PTK2: variants seen among roughly 807,000 people sequenced by gnomAD.
The protein encoded by PTK2 is protein tyrosine kinase 2.
Under a neutral mutation model 150.1 loss-of-function variants are expected in PTK2, and 45 were observed. The observed-to-expected ratio is 0.30, with a 90% CI of 0.24 to 0.38. PTK2 has a LOEUF of 0.38. PTK2 is among the 10% of genes least tolerant of loss of function. The pLI is 1.00. For synonymous variants in PTK2, 432 were observed against 449.2 expected (o/e 0.96, Z 0.48); for missense variants, 919 against 1,307.3 (o/e 0.70, Z 4.58).
At chr8:140,925,710 G>C (rs1046503034) in exon 2 of PTK2, 1 of 977,168 alleles carries the variant, frequency 1.0e-6, no homozygotes, top group African/African-American at 1.8e-5. Context: ...AGAAGGCACT[G>C]AATTTGTAAC....
chr8:140,942,442 G>A lies in PTK2; in HGVS notation c.-121-16693C>T, dbSNP rs531687693. Among the ~76,000 whole-genome samples the A allele has an allele frequency of 1.1e-4, 17 of 152,102 alleles. No individual in the cohort carries two copies. In the South Asian group the frequency reaches 3.5e-3, roughly 32 times the overall value. The stretch of plus-strand genomic sequence containing the variant: ...ATAATATACAATCTCATTATACAAA[G>A]ACAAATATAAAGCCTTTAGGCCACA... On this transcript the variant is annotated intron_variant, in intron 1 of 31. Transcript: ENST00000522684.
chr8:140,874,769 T>C (rs1046864661), intron 4 of PTK2, among the ~76,000 whole-genome samples: 1 of 152,212 alleles, frequency 6.6e-6, no homozygotes, highest in African/African-American at 2.4e-5. Context: ...AATATGGTAA[T>C]ACTGTTATTA....
intron 1 of PTK2, among the ~76,000 whole-genome samples, chr8:140,991,068 A>G (rs754492853): frequency 8.5e-5 from 13 of 152,248 alleles, no homozygotes; most frequent in Non-Finnish European, 1.5e-4. Context: ...TGCATAAGAT[A>G]TAACAGATTT....
intron 7 of PTK2, among the ~76,000 whole-genome samples, chr8:140,832,033 C>G (rs2100115715): frequency 6.6e-6 from 1 of 152,148 alleles, no homozygotes; most frequent in African/African-American, 2.4e-5. Flanking sequence ...TATTCCTTAA[C>G]AGCAAGCATT....
At chr8:140,994,664 A>G (rs899490522) in intron 1 of PTK2, among the ~76,000 whole-genome samples, 5 of 152,130 alleles carry the variant, frequency 3.3e-5, no homozygotes, top group African/African-American at 7.2e-5. Flanking sequence ...TTACTACTGT[A>G]GTTGTTTTGG....
At chr8:140,978,527 C>T (rs1269708203) in intron 1 of PTK2, among the ~76,000 whole-genome samples, 1 of 151,994 alleles carries the variant, frequency 6.6e-6, no homozygotes, top group Non-Finnish European at 1.5e-5. Flanking sequence ...TCATCACTGG[C>T]CATCAGAGAA....
rs34459077 is a variant in PTK2 at position 140,697,416 on chromosome 8, T to TTGTGTGTGTGTG, written c.2499+3463_2499+3474dup. ...CTACAGGAAGTTCTTAGAATACGGT[T>TTGTGTGTGTGTG]TGTGTGTGTGTGTGTGTGTGTGTGT... On this transcript the variant is annotated intron_variant, in intron 26 of 31. Coordinates refer to ENST00000522684, the Ensembl canonical transcript of PTK2. 2.6e-3 allele frequency among the ~76,000 whole-genome samples: 380 copies of TTGTGTGTGTGTG among 145,810 alleles called. 1 individual carries two copies. Among genetic ancestry groups the TTGTGTGTGTGTG allele is most frequent in the Middle Eastern group, 0.014 (4 of 292 alleles).
intron 30 of PTK2, among the ~76,000 whole-genome samples, chr8:140,665,474 A>G (rs929556630): frequency 1.3e-5 from 2 of 152,176 alleles, no homozygotes; most frequent in Non-Finnish European, 2.9e-5. Context: ...GCAAGGGGGC[A>G]GCCTTGCTTT....
intron 7 of PTK2, among the ~76,000 whole-genome samples, chr8:140,836,495 C>CT (rs2100118719): frequency 6.6e-6 from 1 of 152,192 alleles, no homozygotes; most frequent in Admixed American, 6.5e-5. Context: ...CACTGATTGT[C>CT]TATCACTTCT....
intron 10 of PTK2, among the ~76,000 whole-genome samples, chr8:140,812,426 G>A (rs897168497): frequency 6.6e-5 from 10 of 152,196 alleles, no homozygotes; most frequent in Admixed American, 3.3e-4. Context: ...AGGAAAGACC[G>A]TTACCAACCA....
At chr8:140,740,398 C>T (rs1228626742) in intron 20 of PTK2, among the ~76,000 whole-genome samples, 1 of 152,176 alleles carries the variant, frequency 6.6e-6, no homozygotes, top group Non-Finnish European at 1.5e-5. Context: ...CACCCTGATT[C>T]AGAAGAGCAT....
intron 2 of PTK2, among the ~76,000 whole-genome samples, chr8:140,915,930 A>T (rs918432511): frequency 2.0e-5 from 3 of 151,784 alleles, no homozygotes; most frequent in Admixed American, 1.3e-4. Context: ...CAAACAAACA[A>T]ACAAGAAACC....
At position 140,714,039 on chromosome 8, in the gene PTK2, C is replaced by T. The variant is rs1220169084; in HGVS notation, c.2142+3559G>A. Among the ~76,000 whole-genome samples, 3 of 152,130 alleles carry T rather than the reference C, an allele frequency of 2.0e-5. No individual in the cohort carries two copies. In the East Asian group the frequency reaches 5.8e-4, roughly 29 times the overall value. On this transcript the variant is annotated intron_variant, in intron 23 of 31. Transcript: ENST00000522684. ...GAGTAGCTAGGACCACAGGCACACG[C>T]CACTAAATTTGGCTAATTTTTAAAT...
intron 10 of PTK2, among the ~76,000 whole-genome samples, chr8:140,814,282 G>C (rs999383350): frequency 2.6e-5 from 4 of 152,138 alleles, no homozygotes; most frequent in African/African-American, 9.7e-5. Context: ...GAAAAGGAGG[G>C]ACTCCTCTCT....
chr8:140,843,752 A>G (rs2100123671), intron 7 of PTK2, among the ~76,000 whole-genome samples: 3 of 151,884 alleles, frequency 2.0e-5, no homozygotes, highest in African/African-American at 7.2e-5. Flanking sequence ...AGAGTTACAA[A>G]GAGAGTATCC....
intron 26 of PTK2, among the ~76,000 whole-genome samples, chr8:140,694,150 C>T (rs1242375361): frequency 6.6e-6 from 1 of 151,426 alleles, no homozygotes; most frequent in Admixed American, 6.6e-5. Context: ...ACGCCATTCT[C>T]CTGCCTTAGC....
rs565226599 is a variant in PTK2, at chr8:140,749,147, A to G, written c.1418-2287T>C. 9.0e-4 allele frequency among the ~76,000 whole-genome samples: 137 copies of G among 152,294 alleles called. 1 individual carries two copies. The highest frequency in any genetic ancestry group is 2.8e-3 in the African/African-American group (116 of 41,562). On this transcript the variant is annotated intron_variant, in intron 17 of 31. Transcript: ENST00000522684. The stretch of plus-strand genomic sequence containing the variant: ...TCATATTCCAAGAACAGGACCTGGT[A>G]GTTTTTTTCAACAAACATCACCAAC...
intron 29 of PTK2, among the ~76,000 whole-genome samples, chr8:140,673,491 T>C (rs370145680): frequency 1.3e-5 from 2 of 152,162 alleles, no homozygotes; most frequent in African/African-American, 2.4e-5. Context: ...TTTAGAGATA[T>C]TAAAATGTGA....
intron 1 of PTK2, among the ~76,000 whole-genome samples, chr8:140,974,269 C>A (rs1364396112): frequency 3.3e-5 from 5 of 152,170 alleles, no homozygotes; most frequent in African/African-American, 9.7e-5. Context: ...TTACAACTCA[C>A]TATTTACACA....
Sources: gnomAD v4.1 joint callset for allele counts (sites outside exome capture counted in the v4.1 genomes callset) on GRCh38, gnomAD v4.1.1 for gene constraint, MANE v1.5 for transcripts, NCBI Gene and HGNC (gene_info 2026-07-23, HGNC 2026-07-21) for gene names.